The following DLG2 variants were observed in gnomAD, a reference collection of about 807,000 sequenced individuals.
The protein encoded by DLG2 is discs large MAGUK scaffold protein 2, also known as disks large homolog 2.
In DLG2, 45 loss-of-function variants were observed where a neutral mutation model predicts 132.5. The ratio of observed to expected loss-of-function variants is 0.34; its 90% CI spans 0.27 to 0.44. The LOEUF (loss-of-function observed/expected upper bound fraction) is 0.44. Among genes scored for constraint, DLG2 ranks in the 20% least tolerant of loss-of-function variants. DLG2 has a pLI of 1.00. For missense variants in DLG2, 1,045 were observed against 1,196.9 expected (o/e 0.87, Z 1.87); for synonymous variants, 424 against 419.6 (o/e 1.01, Z -0.13).
At chr11:84,648,900 T>G (rs2099678223) in intron 6 of DLG2, among the ~76,000 whole-genome samples, 1 of 152,154 alleles carries the variant, frequency 6.6e-6, no homozygotes, top group African/African-American at 2.4e-5. Flanking sequence ...TTTTTTTCTT[T>G]ATAAATCATT....
At chr11:85,572,261 A>T (rs1371327871) in intron 3 of DLG2, among the ~76,000 whole-genome samples, 1 of 152,160 alleles carries the variant, frequency 6.6e-6, no homozygotes, top group Non-Finnish European at 1.5e-5. Flanking sequence ...AGCTTCTGCG[A>T]TCTAGAGATT....
At chr11:85,570,032 A>C (rs554371577) in intron 3 of DLG2, among the ~76,000 whole-genome samples, 5 of 152,308 alleles carry the variant, frequency 3.3e-5, no homozygotes, top group African/African-American at 1.2e-4. Context: ...TGGGTTGAAA[A>C]ACTACCTAGT....
At chr11:85,444,890 CA>C (rs1199566350) in intron 3 of DLG2, among the ~76,000 whole-genome samples, 5 of 152,164 alleles carry the variant, frequency 3.3e-5, no homozygotes, top group African/African-American at 1.2e-4. Context: ...CCTTTCTTAG[CA>C]AAAACTGTAC....
At chr11:85,075,118 T>C (rs2066355198) in intron 6 of DLG2, among the ~76,000 whole-genome samples, 1 of 151,932 alleles carries the variant, frequency 6.6e-6, no homozygotes, top group African/African-American at 2.4e-5. Context: ...TGGGATGTTA[T>C]TTTATCTAAA....
At chr11:84,955,111 T>C (rs2051470551) in intron 6 of DLG2, among the ~76,000 whole-genome samples, 1 of 152,210 alleles carries the variant, frequency 6.6e-6, no homozygotes, top group Non-Finnish European at 1.5e-5. Context: ...ATTTGGCCTA[T>C]GGACTGTAGC....
At chr11:85,601,444 A>C (rs773421543) in intron 2 of DLG2, among the ~76,000 whole-genome samples, 1 of 151,730 alleles carries the variant, frequency 6.6e-6, no homozygotes, top group African/African-American at 2.4e-5. Flanking sequence ...GGGTTCAAGC[A>C]GTTCTCCTGC....
At chr11:83,749,255 A>T (rs934380723) in intron 18 of DLG2, among the ~76,000 whole-genome samples, 1 of 152,182 alleles carries the variant, frequency 6.6e-6, no homozygotes, top group African/African-American at 2.4e-5. Context: ...CTTTTTGAAG[A>T]TGTTCATCCT....
chr11:85,147,149 C>T (rs2076920850), intron 5 of DLG2, among the ~76,000 whole-genome samples: 1 of 152,138 alleles, frequency 6.6e-6, no homozygotes, highest in Non-Finnish European at 1.5e-5. Context: ...TGTCTCTTTC[C>T]TTGATATAGT....
At chr11:83,803,221 G>T (rs1280244078) in intron 17 of DLG2, among the ~76,000 whole-genome samples, 1 of 152,076 alleles carries the variant, frequency 6.6e-6, no homozygotes, top group Admixed American at 6.6e-5. Context: ...GGATGGATTG[G>T]TGAAGAAAGC....
intron 6 of DLG2, among the ~76,000 whole-genome samples, chr11:84,743,880 G>C (rs1326493949): frequency 1.3e-5 from 2 of 151,960 alleles, no homozygotes; most frequent in African/African-American, 2.4e-5. Flanking sequence ...GCCTGCCACT[G>C]CGCCTGGCTA....
At chr11:85,411,027 C>A (rs532128552) in intron 3 of DLG2, among the ~76,000 whole-genome samples, 39 of 151,762 alleles carry the variant, frequency 2.6e-4, no homozygotes, top group African/African-American at 9.4e-4. Context: ...GCTAATTTAT[C>A]CCACTGGAAA....
intron 8 of DLG2, among the ~76,000 whole-genome samples, chr11:84,207,171 C>A (rs2096681144): frequency 6.6e-6 from 1 of 150,998 alleles, no homozygotes; most frequent in Non-Finnish European, 1.5e-5. Flanking sequence ...GAAAAATATA[C>A]CACGCTTATG....
intron 18 of DLG2, among the ~76,000 whole-genome samples, chr11:83,737,812 G>C (rs1407064436): frequency 6.6e-6 from 1 of 152,170 alleles, no homozygotes; most frequent in African/African-American, 2.4e-5. Context: ...AATTAGCTGA[G>C]TGTGGTGGTG....
intron 15 of DLG2, among the ~76,000 whole-genome samples, chr11:83,897,459 C>A (rs895890615): frequency 1.3e-5 from 2 of 152,062 alleles, no homozygotes; most frequent in Admixed American, 1.3e-4. Flanking sequence ...CTACCAGGAC[C>A]CAAATTGTGT....
chr11:84,111,408 T>C (rs752532363), intron 9 of DLG2, among the ~76,000 whole-genome samples: 10 of 151,720 alleles, frequency 6.6e-5, no homozygotes, highest in Non-Finnish European at 1.2e-4. Context: ...CTATTCACAC[T>C]GTGTCTCTCT....
chr11:84,816,438 C>G lies in DLG2; in HGVS notation c.358-281707G>C, dbSNP rs539374301. 2.2e-4 allele frequency among the ~76,000 whole-genome samples: 33 copies of G among 151,800 alleles called. 1 individual carries two copies. The highest frequency in any genetic ancestry group is 7.9e-4 in the Admixed American group (12 of 15,216). On this transcript the variant is annotated intron_variant, in intron 6 of 27. Coordinates refer to ENST00000376104, the MANE Select transcript of DLG2 (RefSeq NM_001142699.3). ...GTTTTATCTTAAGGCCGTTTGAAAT[C>G]TAATGAATTTTCTTCTTCTTTTCCA...
At chr11:84,432,557 C>T (rs1010862827) in intron 7 of DLG2, among the ~76,000 whole-genome samples, 3 of 152,146 alleles carry the variant, frequency 2.0e-5, no homozygotes, top group Admixed American at 6.5e-5. Flanking sequence ...TAAATCCTTG[C>T]CTGAAACCTG....
chr11:84,181,850 G>A (rs34671961), intron 8 of DLG2, among the ~76,000 whole-genome samples: 9,712 of 152,086 alleles, frequency 0.064, 385 homozygotes, highest in African/African-American at 0.097. Flanking sequence ...AATATGTATG[G>A]GCTGAACAAC....
chr11:83,727,917 A>C (rs569280712), intron 18 of DLG2, among the ~76,000 whole-genome samples: 2 of 152,350 alleles, frequency 1.3e-5, no homozygotes, highest in South Asian at 4.1e-4. Flanking sequence ...ACTATTATAC[A>C]GCTGAAGTCA....
Sources: gnomAD v4.1 joint callset for allele counts (sites outside exome capture counted in the v4.1 genomes callset) on GRCh38, gnomAD v4.1.1 for gene constraint, MANE v1.5 for transcripts, NCBI Gene and HGNC (gene_info 2026-07-23, HGNC 2026-07-21) for gene names.